GRID1: variants seen among roughly 807,000 people sequenced by gnomAD.
GRID1 encodes the protein glutamate ionotropic receptor delta type subunit 1.
Under a neutral mutation model 98.0 loss-of-function variants are expected in GRID1, and 28 were observed. The ratio of observed to expected loss-of-function variants is 0.29; its 90% CI spans 0.21 to 0.39. The LOEUF (loss-of-function observed/expected upper bound fraction) is 0.39. GRID1 is among the 10% of genes least tolerant of loss of function. GRID1 has a pLI of 1.00. For synonymous variants in GRID1, 553 were observed against 538.5 expected (o/e 1.03, Z -0.37); for missense variants, 1,111 against 1,340.5 (o/e 0.83, Z 2.67).
chr10:85,635,058 T>A (rs899148404), intron 13 of GRID1, among the ~76,000 whole-genome samples: 1 of 120,344 alleles, frequency 8.3e-6, no homozygotes, highest in African/African-American at 3.1e-5. Flanking sequence ...GAAGTCAACA[T>A]CCTCCCACTT....
At chr10:86,187,727 G>T (rs570218886) in intron 3 of GRID1, among the ~76,000 whole-genome samples, 2 of 152,206 alleles carry the variant, frequency 1.3e-5, no homozygotes, top group African/African-American at 2.4e-5. Context: ...GCTGAGCTGA[G>T]CCCAGAGCTG....
chr10:86,106,276 A>G (rs1045362066), intron 4 of GRID1, among the ~76,000 whole-genome samples: 6 of 152,250 alleles, frequency 3.9e-5, no homozygotes, highest in African/African-American at 9.6e-5. Flanking sequence ...TAGGGTATGC[A>G]ATAACAATTC....
At chr10:86,003,882 T>C (rs999769889) in intron 4 of GRID1, among the ~76,000 whole-genome samples, 1 of 152,186 alleles carries the variant, frequency 6.6e-6, no homozygotes, top group Admixed American at 6.5e-5. Context: ...CTAAGAAACC[T>C]GCCAACTTGC....
At position 85,613,501 on chromosome 10, in the gene GRID1, C is replaced by A; in HGVS notation, c.2507G>T (p.Cys836Phe). The change falls in exon 15 of 16, where the codon TGC (cysteine) becomes TTC (phenylalanine). Residue 836 changes from cysteine (C) to phenylalanine (F), a missense_variant. Around this residue, in one of 3 missense-constraint regions of GRID1, gnomAD observed 762 missense variants for 869.1 expected, o/e 0.88. Coordinates refer to ENST00000327946, the MANE Select transcript of GRID1 (RefSeq NM_017551.3). ...LKLHSFAGVF[C>F]ILAIGLLLAC... is the part of the protein sequence containing the mutation. Reference sequence around the variant, plus strand: ...CAGGAGCAGGCCAATGGCCAGGATGCAGAAGACCCCGGCGAAGCTGTGCAG... The same window carrying A: ...CAGGAGCAGGCCAATGGCCAGGATGAAGAAGACCCCGGCGAAGCTGTGCAG... 2 of 1,614,174 alleles carry A rather than the reference C, an allele frequency of 1.2e-6. No individual in the cohort carries two copies. Among genetic ancestry groups the A allele is most frequent in the Middle Eastern group, 3.3e-4 (2 of 6,058 alleles).
chr10:86,249,789 T>C (rs1846791387), intron 2 of GRID1, among the ~76,000 whole-genome samples: 1 of 152,208 alleles, frequency 6.6e-6, no homozygotes, highest in African/African-American at 2.4e-5. Flanking sequence ...TCCTCTAATA[T>C]ATGTGTTCTT....
intron 2 of GRID1, among the ~76,000 whole-genome samples, chr10:86,298,826 G>A (rs1188217511): frequency 2.0e-5 from 3 of 152,146 alleles, no homozygotes; most frequent in Non-Finnish European, 4.4e-5. Context: ...CTGGAGGCCC[G>A]GTGCTGAGCT....
intron 4 of GRID1, among the ~76,000 whole-genome samples, chr10:86,135,488 C>G (rs1426844468): frequency 6.6e-6 from 1 of 151,902 alleles, no homozygotes; most frequent in Non-Finnish European, 1.5e-5. Flanking sequence ...CTGAGGGGAG[C>G]CTCTCCACAC....
intron 12 of GRID1, among the ~76,000 whole-genome samples, chr10:85,648,947 G>A (rs992218096): frequency 6.6e-6 from 1 of 152,204 alleles, no homozygotes; most frequent in African/African-American, 2.4e-5. Context: ...AACCAACACT[G>A]TGGTCCAGAA....
At chr10:86,259,680 A>G (rs1331369782) in intron 2 of GRID1, among the ~76,000 whole-genome samples, 2 of 152,124 alleles carry the variant, frequency 1.3e-5, no homozygotes, top group Non-Finnish European at 2.9e-5. Flanking sequence ...GTGTGTGTGC[A>G]CGCACATGCG....
Position 86,366,431 on chromosome 10 carries a change from C to A in GRID1, c.-39G>T, listed in dbSNP as rs1191210723. The A allele has an allele frequency of 1.7e-5, 24 of 1,412,982 alleles. No individual in the cohort carries two copies. Among genetic ancestry groups the A allele is most frequent in the Non-Finnish European group, 2.2e-5 (23 of 1,058,436 alleles). The allele number at this position is 1,412,982 out of a possible 1,614,324, so 87.5% of individuals were successfully genotyped here. ...GCGGCTCATCCACCCGGGCCCGGGGCGAGGCCGAGGGCAGCGCGAAGCGGG... is the reference window on the plus strand; with the variant it reads ...GCGGCTCATCCACCCGGGCCCGGGGAGAGGCCGAGGGCAGCGCGAAGCGGG... On this transcript the variant is annotated 5_prime_UTR_variant, in exon 1 of 16. Coordinates refer to ENST00000327946, the MANE Select transcript of GRID1 (RefSeq NM_017551.3). This position sits in a 1 kb window ranked among gnomAD's most constrained non-coding sequence, Gnocchi z 4.1.
chr10:86,315,030 C>T (rs1328266794), intron 2 of GRID1, among the ~76,000 whole-genome samples: 3 of 152,078 alleles, frequency 2.0e-5, no homozygotes, highest in East Asian at 1.9e-4. Flanking sequence ...TGCTGGCATC[C>T]GATCCTGTTG....
intron 2 of GRID1, among the ~76,000 whole-genome samples, chr10:86,279,236 T>C (rs1200753570): frequency 6.6e-6 from 1 of 152,152 alleles, no homozygotes; most frequent in Non-Finnish European, 1.5e-5. Context: ...TGCTGGACCA[T>C]ATTGGTATCC....
chr10:86,153,977 C>T (rs748784641), intron 3 of GRID1, among the ~76,000 whole-genome samples: 1 of 152,184 alleles, frequency 6.6e-6, no homozygotes, highest in East Asian at 1.9e-4. Flanking sequence ...ATGCCGCACC[C>T]GCCCAGGCCT....
At chr10:85,845,502 G>A (rs899807391) in intron 8 of GRID1, among the ~76,000 whole-genome samples, 4 of 152,088 alleles carry the variant, frequency 2.6e-5, no homozygotes, top group Middle Eastern at 3.2e-3. Flanking sequence ...AAGAGTCAAG[G>A]CAATCTCAGT....
chr10:86,312,425 G>A (rs1044696128), intron 2 of GRID1, among the ~76,000 whole-genome samples: 7 of 152,330 alleles, frequency 4.6e-5, no homozygotes, highest in African/African-American at 1.7e-4. Flanking sequence ...AGCAAAGGGA[G>A]GGGACTGCTT....
intron 4 of GRID1, among the ~76,000 whole-genome samples, chr10:86,023,207 ACTAAGAT>A (rs1046720211): frequency 2.0e-5 from 3 of 152,140 alleles, no homozygotes; most frequent in Admixed American, 2.0e-4. Flanking sequence ...CCCTTTCCAC[ACTAAGAT>A]CTGACCTAGT....
intron 2 of GRID1, among the ~76,000 whole-genome samples, chr10:86,360,407 C>A (rs1321247052): frequency 1.3e-5 from 2 of 152,232 alleles, no homozygotes; most frequent in African/African-American, 2.4e-5. Flanking sequence ...TGACACTTTC[C>A]TGTACCTTCC....
At chr10:86,100,902 G>T (rs1476148764) in intron 4 of GRID1, among the ~76,000 whole-genome samples, 1 of 152,210 alleles carries the variant, frequency 6.6e-6, no homozygotes, top group Non-Finnish European at 1.5e-5. Flanking sequence ...CAGCCTGGAT[G>T]AGGCACCTCC....
intron 3 of GRID1, among the ~76,000 whole-genome samples, chr10:86,183,159 C>G (rs34809239): frequency 0.035 from 5,330 of 152,204 alleles, 166 homozygotes; most frequent in South Asian, 0.098. Context: ...GATCTGCAAT[C>G]TGTCACTGTA....
Sources: gnomAD v4.1 joint callset for allele counts (sites outside exome capture counted in the v4.1 genomes callset) on GRCh38, gnomAD v4.1.1 for gene constraint, gnomAD v4.1.1 regional missense constraint, Gnocchi (gnomAD v3.1) non-coding constraint, MANE v1.5 for transcripts, NCBI Gene and HGNC (gene_info 2026-07-23, HGNC 2026-07-21) for gene names.